The following CDH13 variants were observed in gnomAD, a reference collection of about 807,000 sequenced individuals.
CDH13 encodes cadherin 13, also known as cadherin-13.
CDH13 carries 24 observed loss-of-function variants against 63.8 expected under a neutral mutation model. The ratio of observed to expected loss-of-function variants is 0.38; its 90% CI spans 0.27 to 0.53. CDH13 has a LOEUF of 0.53. CDH13 is among the 20% of genes least tolerant of loss of function. The pLI is 0.85. For missense variants in CDH13, 1,049 were observed against 903.1 expected (o/e 1.16, Z -2.07); for synonymous variants, 503 against 355.3 (o/e 1.42, Z -4.67).
chr16:83,384,301 G>T (rs986805414), intron 6 of CDH13, among the ~76,000 whole-genome samples: 3 of 152,110 alleles, frequency 2.0e-5, no homozygotes, highest in African/African-American at 7.2e-5. Flanking sequence ...TCTGCTGACT[G>T]CCACCTCTGC....
chr16:83,171,649 A>G (rs1355104281), intron 4 of CDH13: 2 of 1,173,686 alleles, frequency 1.7e-6, no homozygotes, highest in Non-Finnish European at 2.4e-6. Flanking sequence ...ATATGCCATC[A>G]GGGGATTTAG....
intron 7 of CDH13, among the ~76,000 whole-genome samples, chr16:83,507,428 T>C (rs1392037489): frequency 6.6e-6 from 1 of 152,210 alleles, no homozygotes; most frequent in Non-Finnish European, 1.5e-5. Context: ...TTTCAAAGCA[T>C]ATTTGGCTAG....
chr16:83,216,261 G>C (rs1201013849), intron 4 of CDH13, among the ~76,000 whole-genome samples: 1 of 150,984 alleles, frequency 6.6e-6, no homozygotes, highest in Admixed American at 6.6e-5. Context: ...AGTGTCTCTA[G>C]AGAATGGAAG....
intron 5 of CDH13, among the ~76,000 whole-genome samples, chr16:83,269,888 G>A (rs75928787): frequency 3.9e-5 from 6 of 152,054 alleles, no homozygotes; most frequent in Non-Finnish European, 8.8e-5. Flanking sequence ...CTTCCTCAAA[G>A]CCCCTAAAAT....
chr16:82,696,553 C>T (rs1053715231), intron 1 of CDH13, among the ~76,000 whole-genome samples: 1 of 152,150 alleles, frequency 6.6e-6, no homozygotes, highest in African/African-American at 2.4e-5. Context: ...GTCATTGATT[C>T]AGGTGATAGA....
chr16:82,801,594 A>G (rs1024674690), intron 1 of CDH13, among the ~76,000 whole-genome samples: 1 of 152,244 alleles, frequency 6.6e-6, no homozygotes, highest in African/African-American at 2.4e-5. Context: ...ACTCAAGGCA[A>G]GAAGAGGAGT....
At chr16:82,669,371 C>T (rs1401173338) in intron 1 of CDH13, among the ~76,000 whole-genome samples, 2 of 152,158 alleles carry the variant, frequency 1.3e-5, no homozygotes, top group Non-Finnish European at 2.9e-5. Context: ...GACGCAGGTA[C>T]AATATATCTT....
chr16:82,806,111 G>A (rs2037125018), intron 1 of CDH13, among the ~76,000 whole-genome samples: 1 of 152,144 alleles, frequency 6.6e-6, no homozygotes, highest in South Asian at 2.1e-4. Context: ...AAGGGTGATT[G>A]AGTTTGCCAG....
At position 83,093,695 on chromosome 16, in the gene CDH13, G is replaced by T. The variant is rs573871606; in HGVS notation, c.367-31690G>T. Among the ~76,000 whole-genome samples, 7 of 152,240 alleles carry T rather than the reference G, an allele frequency of 4.6e-5. No homozygotes were observed. The East Asian group carries it at 1.4e-3, about 29-fold the overall frequency. ...GTTCAAAGCACATAGTCTCTTCCAT[G>T]CACATCTTCATGCCGGAATTTGCTA... On this transcript the variant is annotated intron_variant, in intron 3 of 13. Transcript: ENST00000567109.
intron 3 of CDH13, among the ~76,000 whole-genome samples, chr16:83,118,809 T>C (rs2035432084): frequency 6.6e-6 from 1 of 152,144 alleles, no homozygotes; most frequent in Admixed American, 6.5e-5. Flanking sequence ...GGGCCTCTTC[T>C]CTGAGGCTGA....
intron 1 of CDH13, among the ~76,000 whole-genome samples, chr16:82,649,145 A>C (rs1047782013): frequency 2.0e-5 from 3 of 152,236 alleles, no homozygotes; most frequent in African/African-American, 7.2e-5. Flanking sequence ...ACCTAACAGC[A>C]ATCCTATATG....
intron 6 of CDH13, among the ~76,000 whole-genome samples, chr16:83,442,543 C>G (rs1109543): frequency 0.5 from 67,477 of 135,056 alleles, 15,440 homozygotes; most frequent in African/African-American, 0.59. Context: ...GGAAAACTTT[C>G]ACATTGCAAG....
At chr16:82,750,208 G>C (rs2034351760) in intron 1 of CDH13, among the ~76,000 whole-genome samples, 1 of 152,178 alleles carries the variant, frequency 6.6e-6, no homozygotes, top group Admixed American at 6.5e-5. Flanking sequence ...GAAGCAGATG[G>C]TGGGGGTATC....
intron 5 of CDH13, among the ~76,000 whole-genome samples, chr16:83,237,681 A>G (rs991147181): frequency 4.6e-5 from 7 of 152,170 alleles, no homozygotes; most frequent in African/African-American, 1.7e-4. Context: ...TTTAACACCA[A>G]TTTTGCCTCT....
At position 83,044,933 on chromosome 16, in the gene CDH13, C is replaced by T. The variant is rs146734959; in HGVS notation, c.366+12715C>T. ...GAACAAGATAATGTAATAAAATGTA[C>T]ATTTTCTAGGCTCTCTGATATGCTT... On this transcript the variant is annotated intron_variant, in intron 3 of 13. Coordinates refer to ENST00000567109, the MANE Select transcript of CDH13 (RefSeq NM_001257.5). Among the ~76,000 whole-genome samples, 7 of 152,260 alleles carry T rather than the reference C, an allele frequency of 4.6e-5. No homozygotes were observed. The East Asian group carries it at 1.4e-3, about 29-fold the overall frequency.
intron 4 of CDH13, among the ~76,000 whole-genome samples, chr16:83,197,885 G>A (rs1567498753): frequency 3.3e-5 from 5 of 151,700 alleles, no homozygotes. Flanking sequence ...TCTGTGGATT[G>A]CATAAATGTC....
chr16:83,076,557 C>G (rs925317837), intron 3 of CDH13, among the ~76,000 whole-genome samples: 8 of 152,258 alleles, frequency 5.3e-5, no homozygotes, highest in Non-Finnish European at 2.9e-5. Context: ...CACTAAACCA[C>G]CATGTGCCCA....
intron 6 of CDH13, among the ~76,000 whole-genome samples, chr16:83,419,953 G>A (rs1597977988): frequency 6.7e-6 from 1 of 149,330 alleles, no homozygotes; most frequent in South Asian, 2.1e-4. Context: ...ATGTATGTGT[G>A]TTCTGAATAC....
chr16:82,955,032 G>T (rs1905860716), intron 2 of CDH13, among the ~76,000 whole-genome samples: 2 of 152,180 alleles, frequency 1.3e-5, no homozygotes, highest in South Asian at 4.2e-4. Context: ...TCCACTTATT[G>T]CTCAATGAAC....
Sources: gnomAD v4.1 joint callset for allele counts (sites outside exome capture counted in the v4.1 genomes callset) on GRCh38, gnomAD v4.1.1 for gene constraint, MANE v1.5 for transcripts, NCBI Gene and HGNC (gene_info 2026-07-23, HGNC 2026-07-21) for gene names.